Variants in PGS1 observed in about 807,000 individuals in gnomAD.
PGS1 encodes the protein phosphatidylglycerophosphate synthase 1, also known as CDP-diacylglycerol--glycerol-3-phosphate 3-phosphatidyltransferase, mitochondrial.
Under a neutral mutation model 58.3 loss-of-function variants are expected in PGS1, and 44 were observed. The observed-to-expected ratio is 0.75, with a 90% confidence interval of 0.59 to 0.97. The LOEUF is 0.97. Among genes scored for constraint, PGS1 ranks in the 50% least tolerant of loss-of-function variants. PGS1 has a pLI of 0.00. For synonymous variants in PGS1, 330 were observed against 311.0 expected (o/e 1.06, Z -0.64); for missense variants, 684 against 731.1 (o/e 0.94, Z 0.74).
chr17:78,383,104 T>A (rs1465688732), intron 1 of PGS1, among the ~76,000 whole-genome samples: 9 of 152,232 alleles, frequency 5.9e-5, no homozygotes, highest in Non-Finnish European at 8.8e-5. Context: ...TAGCTATACA[T>A]GCAGAATCAT....
chr17:78,403,407 C>T (rs2083852974), intron 6 of PGS1, among the ~76,000 whole-genome samples, 161 bp from the exon 7 acceptor site: 1 of 152,188 alleles, frequency 6.6e-6, no homozygotes. Context: ...CCCAGAGGAG[C>T]CTCGCTCTGG....
intron 7 of PGS1, among the ~76,000 whole-genome samples, chr17:78,412,033 C>T (rs1381612032): frequency 2.0e-5 from 3 of 150,846 alleles, no homozygotes; most frequent in Admixed American, 6.7e-5. Flanking sequence ...CCCCTTCTCC[C>T]GTTGGAAACT....
chr17:78,399,263 C>T (rs1272727187), intron 4 of PGS1, 85 bp from the exon 5 acceptor site: 7 of 1,062,202 alleles, frequency 6.6e-6, no homozygotes, highest in African/African-American at 6.2e-5. Flanking sequence ...CAGGTGAAGG[C>T]GAGGCCACGT....
rs73998898 is a variant in PGS1, at chr17:78,411,804, C to G, written c.1403-3075C>G. Among the ~76,000 whole-genome samples the G allele has an allele frequency of 8.8e-3, 1,332 of 150,518 alleles. 21 individuals carry two copies. Among genetic ancestry groups the G allele is most frequent in the African/African-American group, 0.031 (1,270 of 41,242 alleles). The stretch of plus-strand genomic sequence containing the variant: ...CCTGATAGTCTTAGCCCTGTGTATA[C>G]ACAGCCTGACATCCTGACTGGTGGT... On this transcript the variant is annotated intron_variant, in intron 7 of 9. Coordinates refer to ENST00000262764, the MANE Select transcript of PGS1 (RefSeq NM_024419.5).
At chr17:78,389,636 C>A (rs536114158) in intron 1 of PGS1, among the ~76,000 whole-genome samples, 1 of 147,010 alleles carries the variant, frequency 6.8e-6, no homozygotes, top group Non-Finnish European at 1.5e-5. Context: ...TTTTTTGAGA[C>A]GAAGTCTCAC....
chr17:78,406,148 C>T (rs1366422598), intron 7 of PGS1, among the ~76,000 whole-genome samples: 1 of 151,998 alleles, frequency 6.6e-6, no homozygotes, highest in Non-Finnish European at 1.5e-5. Context: ...AACCCTGTTT[C>T]TACTAAAAAA....
intron 9 of PGS1, 120 bp downstream of exon 9, chr17:78,419,795 C>T (rs1653467082): frequency 4.6e-6 from 7 of 1,520,344 alleles, no homozygotes; most frequent in African/African-American, 1.4e-5. Flanking sequence ...CTCAGTTAAA[C>T]ACAGAGCAGC....
intron 9 of PGS1, among the ~76,000 whole-genome samples, chr17:78,423,142 CT>C (rs1366031812): frequency 2.0e-5 from 3 of 152,014 alleles, no homozygotes; most frequent in African/African-American, 4.8e-5. Context: ...CTTGGTCCCC[CT>C]GGGATCCGTC....
chr17:78,410,042 C>T (rs927902988), intron 7 of PGS1, among the ~76,000 whole-genome samples: 7 of 152,142 alleles, frequency 4.6e-5, no homozygotes, highest in African/African-American at 7.2e-5. Context: ...ACCTGGGAGA[C>T]GGAGGTTGCA....
chr17:78,399,619 G>A lies in PGS1; in HGVS notation c.701+82G>A, dbSNP rs890965268. The A allele has an allele frequency of 5.5e-5, 77 of 1,399,674 alleles. No individual in the cohort carries two copies. In the African/African-American group the frequency reaches 7.3e-4, roughly 13 times the overall value. The allele number at this position is 1,399,674 out of a possible 1,614,324, so 86.7% of individuals were successfully genotyped here. A position where few individuals can be genotyped will look rare whatever the true frequency, so the allele number is the denominator to read the frequency against. ...GTGGAATAGGAACAGTGGGAAACCCGTTCCCCTCAGTCTTGGAGAACCTGC... is the reference window on the plus strand; with the variant it reads ...GTGGAATAGGAACAGTGGGAAACCCATTCCCCTCAGTCTTGGAGAACCTGC... On this transcript the variant is annotated intron_variant, in intron 5 of 9. Transcript: ENST00000262764.
At chr17:78,420,288 A>G (rs2085595642) in intron 9 of PGS1, 1 of 915,726 alleles carries the variant, frequency 1.1e-6, no homozygotes, top group Admixed American at 5.9e-5. Flanking sequence ...CTGCCGCTTC[A>G]CCAGAGGCAC....
At chr17:78,421,898 AGCGGGCG>A (rs138437275) in intron 9 of PGS1, 31,483 of 151,990 alleles carry the variant, frequency 0.21, 3,501 homozygotes, top group African/African-American at 0.29. Flanking sequence ...AACAGAGAGC[AGCGGGCG>A]GCGGGCGGCG....
chr17:78,399,602 G>C, intron 5 of PGS1, 65 bp downstream of exon 5: 1 of 1,515,894 alleles, frequency 6.6e-7, no homozygotes, highest in South Asian at 1.1e-5. Flanking sequence ...CAGTGGAATA[G>C]GAACAGTGGG....
chr17:78,421,155 ACATGT>A (rs1382748405), intron 9 of PGS1: 1 of 152,212 alleles, frequency 6.6e-6, no homozygotes, highest in African/African-American at 2.4e-5. Context: ...GATTTTGAAT[ACATGT>A]CATGTGTGTT....
chr17:78,420,216 C>T (rs2085588253), intron 9 of PGS1: 1 of 996,756 alleles, frequency 1.0e-6, no homozygotes, highest in Admixed American at 5.4e-5. Flanking sequence ...GGTTACAGAG[C>T]TGCGCCCTTC....
At chr17:78,399,256 G>T in intron 4 of PGS1, 92 bp from the exon 5 acceptor site, 1 of 971,020 alleles carries the variant, frequency 1.0e-6, no homozygotes, top group Non-Finnish European at 1.6e-6. Context: ...GACGGCACAG[G>T]TGAAGGCGAG....
At position 78,410,198 on chromosome 17, in the gene PGS1, C is replaced by T. The variant is rs560320130; in HGVS notation, c.1403-4681C>T. Among the ~76,000 whole-genome samples the T allele has an allele frequency of 1.4e-4, 21 of 152,204 alleles. No individual in the cohort carries two copies. The South Asian group carries it at 1.7e-3, about 12-fold the overall frequency. ...ATCCCAGCACTTTGGGAGGCAGAGG[C>T]GGGTGGATCACCTGAGGTCAGGAGT... On this transcript the variant is annotated intron_variant, in intron 7 of 9. Coordinates refer to ENST00000262764, the MANE Select transcript of PGS1 (RefSeq NM_024419.5).
intron 9 of PGS1, among the ~76,000 whole-genome samples, chr17:78,423,234 C>T (rs559705552): frequency 6.0e-4 from 91 of 152,266 alleles, no homozygotes; most frequent in African/African-American, 2.1e-3. Context: ...ACCCTGCTGC[C>T]CTAGCTAGCC....
chr17:78,414,772 A>G (rs2085029518), intron 7 of PGS1, 107 bp from the exon 8 acceptor site: 4 of 1,281,476 alleles, frequency 3.1e-6, no homozygotes, highest in African/African-American at 1.5e-5. Flanking sequence ...CCTCGTGTCC[A>G]GGCACCCAGG....
Sources: gnomAD v4.1 joint callset for allele counts (sites outside exome capture counted in the v4.1 genomes callset) on GRCh38, gnomAD v4.1.1 for gene constraint, MANE v1.5 for transcripts, NCBI Gene and HGNC (gene_info 2026-07-23, HGNC 2026-07-21) for gene names.